The following TMCC2 variants were observed in gnomAD, a reference collection of about 807,000 sequenced individuals.
TMCC2 encodes the protein transmembrane and coiled-coil domains protein 2.
A neutral mutation model predicts 49.4 loss-of-function variants in TMCC2; 16 were observed. The ratio of observed to expected loss-of-function variants is 0.32; its 90% confidence interval spans 0.22 to 0.49. TMCC2 has a LOEUF of 0.49. Among genes scored for constraint, TMCC2 ranks in the 20% least tolerant of loss-of-function variants. The pLI is 0.99. For synonymous variants in TMCC2, 397 were observed against 434.1 expected, an observed-to-expected ratio of 0.91 and a Z score of 1.06; for missense variants, 762 against 989.8, an observed-to-expected ratio of 0.77 and a Z score of 3.09.
intron 2 of TMCC2, among the ~76,000 whole-genome samples, chr1:205,255,577 T>C (rs1660833556): frequency 6.6e-6 from 1 of 152,058 alleles, no homozygotes; most frequent in South Asian, 2.1e-4. Context: ...AGAAGGGGTA[T>C]CTTGAGTATG....
rs1284399100 is a variant in TMCC2 at position 205,269,280 on chromosome 1, C to T, written c.1078C>T (p.Arg360Cys). The change falls in exon 3 of 5, where the codon CGC becomes TGC. Residue 360 changes from arginine (R) to cysteine (C), a missense_variant. Transcript: ENST00000358024. The part of the protein sequence containing the change: ...LHKKLEHYRR[R>C]LKEIEQNGPS... ...CAAGAAGCTGGAGCACTACCGCCGG[C>T]GCCTGAAGGAGATTGAGCAGAACGG... 3.1e-6 allele frequency: 5 copies of T among 1,613,752 alleles called. No homozygotes were observed. Among genetic ancestry groups the T allele is most frequent in the South Asian group, 1.1e-5 (1 of 91,088 alleles).
In TMCC2 at chr1:205,269,695, G is replaced by C; in HGVS notation, c.1493G>C (p.Gly498Ala). Residue 498 changes from glycine to alanine, a missense_variant, in exon 3 of 5, where the codon GGT becomes GCT. Coordinates refer to ENST00000358024, the MANE Select transcript of TMCC2 (RefSeq NM_014858.4). ...GGCAGCAACTCTGGGGCTGGGCCTG[G>C]TGGGGCGCTGGGGAGCCCTAAGTCC... Reference protein sequence around the residue: ...GAGSNSGAGPGGALGSPKSNA... With the variant: ...GAGSNSGAGPAGALGSPKSNA... 2.5e-6 allele frequency: 4 copies of C among 1,614,082 alleles called. No homozygotes were observed. The highest frequency in any genetic ancestry group is 3.4e-6 in the Non-Finnish European group (4 of 1,179,978).
intron 1 of TMCC2, chr1:205,228,989 T>C: frequency 7.3e-6 from 10 of 1,370,924 alleles, no homozygotes; most frequent in Non-Finnish European, 9.4e-6. Flanking sequence ...TTCCCCATTA[T>C]TCAGCAAGCG....
At chr1:205,248,337 A>T (rs948912172) in intron 2 of TMCC2, among the ~76,000 whole-genome samples, 8 of 152,152 alleles carry the variant, frequency 5.3e-5, no homozygotes, top group Non-Finnish European at 8.8e-5. Context: ...TGAGCCCACG[A>T]GGTTGAAGCT....
chr1:205,237,974 A>T (rs1660122611), intron 1 of TMCC2, among the ~76,000 whole-genome samples: 1 of 152,182 alleles, frequency 6.6e-6, no homozygotes, highest in South Asian at 2.1e-4. Flanking sequence ...CTTACAGATC[A>T]TGAAAGCCCT....
At position 205,271,938 on chromosome 1, in the gene TMCC2, C is replaced by A; in HGVS notation, c.1944C>A (p.Asn648Lys). ...NARALLGKFI[N>K]VILALMAVLL... ...GGGCGCTGCTGGGCAAGTTCATCAA[C>A]GTGATCCTGGCGCTCATGGCCGTGC... is the stretch of plus-strand genomic sequence containing the variant. Residue 648 changes from asparagine (N) to lysine (K), a missense_variant, in exon 5 of 5, where the codon AAC becomes AAA. By Grantham distance (94) the Asn-to-Lys change is moderately conservative. Around this residue, in one of 2 missense-constraint regions of TMCC2, gnomAD observed 440 missense variants for 636.7 expected, o/e 0.69. Coordinates refer to ENST00000358024, the MANE Select transcript of TMCC2 (RefSeq NM_014858.4). 1 of 1,614,214 alleles carries A rather than the reference C, an allele frequency of 6.2e-7. No homozygotes were observed. Among genetic ancestry groups the A allele is most frequent in the Non-Finnish European group, 8.5e-7 (1 of 1,180,042 alleles).
At position 205,237,441 on chromosome 1, in the gene TMCC2, G is replaced by A. The variant is rs569121317; in HGVS notation, c.208-4064G>A. Among the ~76,000 whole-genome samples the A allele has an allele frequency of 1.1e-4, 16 of 152,304 alleles. No homozygotes were observed. In the South Asian group the frequency reaches 2.3e-3, roughly 22 times the overall value. On this transcript the variant is annotated intron_variant, in intron 1 of 4. Coordinates refer to ENST00000358024, the MANE Select transcript of TMCC2 (RefSeq NM_014858.4). ...CTCACAGCCAAACTGTTGGTAGGGCGGAAGGAGTTTCAAACCCAGGTAGGA... is the reference window on the plus strand; with the variant it reads ...CTCACAGCCAAACTGTTGGTAGGGCAGAAGGAGTTTCAAACCCAGGTAGGA...
chr1:205,237,463 A>G (rs1003948680), intron 1 of TMCC2, among the ~76,000 whole-genome samples: 3 of 152,220 alleles, frequency 2.0e-5, no homozygotes, highest in African/African-American at 4.8e-5. Flanking sequence ...AAACCCAGGT[A>G]GGAGGAAGGG....
chr1:205,255,671 C>A (rs111515505), intron 2 of TMCC2, among the ~76,000 whole-genome samples: 6 of 152,076 alleles, frequency 3.9e-5, no homozygotes, highest in Admixed American at 3.9e-4. Flanking sequence ...TGAGGTAGAT[C>A]ATTTCATTGT....
chr1:205,264,172 C>T lies in TMCC2; in HGVS notation c.748-4778C>T, dbSNP rs1425771293. On this transcript the variant is annotated intron_variant, in intron 2 of 4. Coordinates refer to ENST00000358024, the MANE Select transcript of TMCC2 (RefSeq NM_014858.4). This position sits in a 1 kb window ranked among gnomAD's most constrained non-coding sequence, Gnocchi z 4.2. ...CTGCAGATACCAAAGTTCCAGATTG[C>T]TTAAGTCTCATACAGTAAATAGTGT... Among the ~76,000 whole-genome samples the T allele has an allele frequency of 1.3e-5, 2 of 152,192 alleles. No individual in the cohort carries two copies. Among genetic ancestry groups the T allele is most frequent in the Non-Finnish European group, 2.9e-5 (2 of 68,034 alleles).
At chr1:205,229,046 GT>G (rs1659675204) in intron 1 of TMCC2, 1 of 1,296,278 alleles carries the variant, frequency 7.7e-7, no homozygotes, top group South Asian at 2.1e-5. Context: ...TGTGTGAAGT[GT>G]TATTCGCAGA....
Position 205,269,603 on chromosome 1 carries a change from C to T in TMCC2, c.1401C>T (p.Leu467=), listed in dbSNP as rs139257283. ...AARALSGSAT[L]VSSPKYGSDD... Reference sequence around the variant, plus strand: ...GGGCACTGAGCGGCAGTGCCACACTCGTCTCCAGCCCCAAGTATGGCAGCG... The same window carrying T: ...GGGCACTGAGCGGCAGTGCCACACTTGTCTCCAGCCCCAAGTATGGCAGCG... Residue 467 remains leucine (L), a synonymous_variant, in exon 3 of 5, where the codon CTC becomes CTT. Coordinates refer to ENST00000358024, the MANE Select transcript of TMCC2 (RefSeq NM_014858.4). The T allele has an allele frequency of 1.9e-5, 31 of 1,613,682 alleles. No individual in the cohort carries two copies. The South Asian group carries it at 2.2e-4, about 11-fold the overall frequency.
intron 1 of TMCC2, among the ~76,000 whole-genome samples, chr1:205,230,421 G>A (rs1313933443): frequency 6.6e-6 from 1 of 152,158 alleles, no homozygotes; most frequent in Non-Finnish European, 1.5e-5. Context: ...AGTCCTTGGT[G>A]TTTATCTCTG....
At position 205,271,971 on chromosome 1, in the gene TMCC2, G is replaced by C. The variant is rs763654792; in HGVS notation, c.1977G>C (p.Val659=). 4 of 1,614,098 alleles carry C rather than the reference G, an allele frequency of 2.5e-6. No homozygotes were observed. In the South Asian group the frequency reaches 4.4e-5, roughly 18 times the overall value. ...VILALMAVLL[V]FVSTIANFIT... is the part of the protein sequence containing the mutation. ...TGGCGCTCATGGCCGTGCTGCTGGTGTTCGTGTCCACCATCGCCAACTTCA... is the reference window on the plus strand; with the variant it reads ...TGGCGCTCATGGCCGTGCTGCTGGTCTTCGTGTCCACCATCGCCAACTTCA... Residue 659 remains valine, a synonymous_variant, in exon 5 of 5, where the codon GTG becomes GTC. Transcript: ENST00000358024.
chr1:205,246,866 A>G (rs1660473496), intron 2 of TMCC2, among the ~76,000 whole-genome samples: 1 of 151,996 alleles, frequency 6.6e-6, no homozygotes, highest in South Asian at 2.1e-4. Flanking sequence ...GGCAGTGGGC[A>G]CTGTCGGAAG....
intron 2 of TMCC2, 145 bp downstream of exon 2, chr1:205,242,189 A>G: frequency 1.1e-6 from 1 of 949,234 alleles, no homozygotes; most frequent in South Asian, 2.0e-5. Context: ...CCTTGGTTAA[A>G]GGAGTCGGGT....
chr1:205,228,880 T>C (rs932283861), intron 1 of TMCC2, 109 bp downstream of exon 1: 9 of 1,454,728 alleles, frequency 6.2e-6, no homozygotes, highest in Non-Finnish European at 8.2e-6. Context: ...CAGGCAAAGG[T>C]CAGAGAGGAT....
chr1:205,260,383 A>G (rs1372724506), intron 2 of TMCC2, among the ~76,000 whole-genome samples: 3 of 152,216 alleles, frequency 2.0e-5, no homozygotes, highest in African/African-American at 7.2e-5. Context: ...TCTGCCTGCT[A>G]CTGACTGGGA....
chr1:205,229,855 A>G, intron 1 of TMCC2: 1 of 985,450 alleles, frequency 1.0e-6, no homozygotes, highest in South Asian at 4.7e-5. Context: ...CAATTAAAAC[A>G]GCAGCTGAGA....
Sources: allele counts gnomAD v4.1 joint callset (sites outside exome capture counted in the v4.1 genomes callset), GRCh38; gene constraint gnomAD v4.1.1; regional missense constraint gnomAD v4.1.1; non-coding constraint Gnocchi (gnomAD v3.1); transcripts MANE v1.5; gene names NCBI Gene and HGNC (gene_info 2026-07-23, HGNC 2026-07-21).